GRIP1: variants seen among roughly 807,000 people sequenced by gnomAD.
The protein encoded by GRIP1 is glutamate receptor-interacting protein 1.
GRIP1 carries 45 observed loss-of-function variants against 129.9 expected under a neutral mutation model. That is an observed-to-expected ratio of 0.35 (90% CI 0.27 to 0.44). The LOEUF (loss-of-function observed/expected upper bound fraction) is 0.44. GRIP1 is among the 20% of genes least tolerant of loss of function. The pLI is 1.00. For synonymous variants in GRIP1, 530 were observed against 520.8 expected (o/e 1.02, Z -0.24); for missense variants, 1,196 against 1,396.8 (o/e 0.86, Z 2.29).
rs76757616 is a variant in GRIP1 at position 66,449,296 on chromosome 12, T to C, written c.1355-3788A>G. 4.2e-3 allele frequency among the ~76,000 whole-genome samples: 647 copies of C among 152,332 alleles called. 4 individuals carry two copies. The highest frequency in any genetic ancestry group is 0.015 in the African/African-American group (605 of 41,572). On this transcript the variant is annotated intron_variant, in intron 11 of 24. Transcript: ENST00000359742. ...GAGGAATGAATCAAATTTTGGGATGTCATCTACATATTCCTTTTAGGAAAC... is the reference window on the plus strand; with the variant it reads ...GAGGAATGAATCAAATTTTGGGATGCCATCTACATATTCCTTTTAGGAAAC...
chr12:66,952,212 C>T (rs2041769468), intron 1 of GRIP1, among the ~76,000 whole-genome samples: 1 of 151,908 alleles, frequency 6.6e-6, no homozygotes, highest in Non-Finnish European at 1.5e-5. Context: ...GAGGAGCAGC[C>T]AGAACATTTG....
At chr12:66,824,145 G>A (rs1162385545) in intron 1 of GRIP1, among the ~76,000 whole-genome samples, 1 of 152,166 alleles carries the variant, frequency 6.6e-6, no homozygotes, top group Admixed American at 6.5e-5. Context: ...CAGGATTTTT[G>A]AAAAGGTGGG....
At position 66,914,377 on chromosome 12, in the gene GRIP1, CAT is replaced by C. The variant is rs150294133; in HGVS notation, c.58+154671_58+154672del. ...TTCATTCAGGTTGTCTAGAAAAAAA[CAT>C]GTAATGGATATGAATTGTGTTATTG... On this transcript the variant is annotated intron_variant, in intron 1 of 1. Transcript: ENST00000643019. Among the ~76,000 whole-genome samples, 923 of 152,256 alleles carry C rather than the reference CAT, an allele frequency of 6.1e-3. 9 individuals carry two copies. Among genetic ancestry groups the C allele is most frequent in the African/African-American group, 0.021 (887 of 41,544 alleles).
At chr12:66,584,747 C>T (rs1433491447) in intron 2 of GRIP1, among the ~76,000 whole-genome samples, 5 of 151,934 alleles carry the variant, frequency 3.3e-5, no homozygotes, top group South Asian at 2.1e-4. Context: ...TATTAGTTAG[C>T]GCTATACTGC....
At chr12:66,885,714 T>G (rs1334782038) in intron 1 of GRIP1, among the ~76,000 whole-genome samples, 1 of 152,098 alleles carries the variant, frequency 6.6e-6, no homozygotes, top group African/African-American at 2.4e-5. Context: ...ATCTCTCTCC[T>G]CTAAAGCCTC....
intron 1 of GRIP1, among the ~76,000 whole-genome samples, chr12:66,602,015 G>C (rs1264199003): frequency 6.6e-6 from 1 of 152,168 alleles, no homozygotes; most frequent in Non-Finnish European, 1.5e-5. Flanking sequence ...CTTAGGGTTA[G>C]GTGGAGGTGA....
chr12:66,710,971 G>A (rs1032424080), intron 1 of GRIP1, among the ~76,000 whole-genome samples: 3 of 151,676 alleles, frequency 2.0e-5, no homozygotes, highest in African/African-American at 7.3e-5. Context: ...AGATAATATG[G>A]TATGTTTGGC....
chr12:66,814,557 G>T, intron 1 of GRIP1, among the ~76,000 whole-genome samples: 1 of 145,784 alleles, frequency 6.9e-6, no homozygotes, highest in South Asian at 2.2e-4. Context: ...TACTTATTAT[G>T]TGTCCAGCTG....
intron 1 of GRIP1, among the ~76,000 whole-genome samples, chr12:66,658,069 T>A (rs1425442393): frequency 6.6e-6 from 1 of 152,158 alleles, no homozygotes; most frequent in Non-Finnish European, 1.5e-5. Flanking sequence ...GTGTACTTAT[T>A]AGTGAAAGTA....
At chr12:66,629,737 T>C (rs1266263540) in intron 1 of GRIP1, among the ~76,000 whole-genome samples, 1 of 152,238 alleles carries the variant, frequency 6.6e-6, no homozygotes, top group Non-Finnish European at 1.5e-5. Context: ...GCTTTCTCCA[T>C]GAGGGAGTGA....
intron 9 of GRIP1, among the ~76,000 whole-genome samples, chr12:66,457,191 G>A (rs1264205065): frequency 1.3e-5 from 2 of 152,016 alleles, no homozygotes; most frequent in East Asian, 1.9e-4. Context: ...TGAAATATGA[G>A]CAATATAATG....
At chr12:67,057,483 T>C (rs1376852136) in intron 1 of GRIP1, among the ~76,000 whole-genome samples, 1 of 151,984 alleles carries the variant, frequency 6.6e-6, no homozygotes, top group African/African-American at 2.4e-5. Context: ...TATAGTGCTT[T>C]ACTGTGGAAA....
chr12:66,959,453 C>T (rs1176562114), intron 1 of GRIP1, among the ~76,000 whole-genome samples: 1 of 152,110 alleles, frequency 6.6e-6, no homozygotes, highest in Non-Finnish European at 1.5e-5. Flanking sequence ...GATTATGCAT[C>T]TATTAAAACT....
rs565285009 is a variant in GRIP1 at position 67,036,533 on chromosome 12, G to A, written c.58+32517C>T. ...TTTATTAGAGACAGGGTTTCATCAT[G>A]TTGGCCAGGCTGGCTTCGAACTCCT... On this transcript the variant is annotated intron_variant, in intron 1 of 1. Transcript: ENST00000643019. Among the ~76,000 whole-genome samples the A allele has an allele frequency of 2.8e-4, 43 of 152,002 alleles. No homozygotes were observed. The East Asian group carries it at 7.8e-3, about 27-fold the overall frequency.
intron 16 of GRIP1, among the ~76,000 whole-genome samples, chr12:66,405,732 T>C (rs1453108994): frequency 6.6e-6 from 1 of 152,150 alleles, no homozygotes; most frequent in Non-Finnish European, 1.5e-5. Context: ...TATTTTCTTA[T>C]TTCAAAAGAA....
intron 1 of GRIP1, among the ~76,000 whole-genome samples, chr12:66,736,293 C>T (rs1008838371): frequency 4.8e-4 from 72 of 148,982 alleles, no homozygotes; most frequent in African/African-American, 1.7e-3. Flanking sequence ...AATCCTCTTA[C>T]CTCAACCTCC....
upstream of GRIP1, among the ~76,000 whole-genome samples, chr12:66,807,442 G>A (rs1455482068): frequency 1.3e-5 from 2 of 152,110 alleles, no homozygotes; most frequent in African/African-American, 4.8e-5. Flanking sequence ...GGGAGGCCGA[G>A]GCAGGTGGAT....
intron 4 of GRIP1, among the ~76,000 whole-genome samples, chr12:66,537,912 G>C (rs901673938): frequency 2.6e-5 from 4 of 152,184 alleles, no homozygotes; most frequent in Admixed American, 1.3e-4. Context: ...TGGTGCCGCT[G>C]TTCTTCCTCT....
intron 1 of GRIP1, among the ~76,000 whole-genome samples, chr12:66,963,700 C>G (rs1021591207): frequency 2.0e-5 from 3 of 152,108 alleles, no homozygotes; most frequent in Non-Finnish European, 2.9e-5. Flanking sequence ...TCTTCTGCGT[C>G]TACACCTTCT....
Sources: gnomAD v4.1 joint callset for allele counts (sites outside exome capture counted in the v4.1 genomes callset) on GRCh38, gnomAD v4.1.1 for gene constraint, MANE v1.5 for transcripts, NCBI Gene and HGNC (gene_info 2026-07-23, HGNC 2026-07-21) for gene names.